SYN3: variants seen among roughly 807,000 people sequenced by gnomAD.
SYN3 encodes synapsin III, also known as synapsin-3.
A neutral mutation model predicts 65.8 loss-of-function variants in SYN3; 35 were observed. That is an observed-to-expected ratio of 0.53 (90% confidence interval 0.41 to 0.70). The LOEUF (loss-of-function observed/expected upper bound fraction) is 0.70. SYN3 is among the 30% of genes least tolerant of loss of function. The pLI, the probability that SYN3 is intolerant of heterozygous loss-of-function variation, is 0.00. For missense variants in SYN3, 680 were observed against 749.0 expected, an observed-to-expected ratio of 0.91 and a Z score of 1.08; for synonymous variants, 270 against 292.9, an observed-to-expected ratio of 0.92 and a Z score of 0.80.
chr22:32,697,102 A>T (rs985184853), intron 6 of SYN3, among the ~76,000 whole-genome samples: 1 of 152,188 alleles, frequency 6.6e-6, no homozygotes, highest in Non-Finnish European at 1.5e-5. Context: ...TGGGACTAGG[A>T]TGTGGATCGA....
At chr22:32,928,844 T>C (rs1230488167) in intron 4 of SYN3, among the ~76,000 whole-genome samples, 1 of 152,250 alleles carries the variant, frequency 6.6e-6, no homozygotes, top group East Asian at 1.9e-4. Context: ...CTCCGATCTT[T>C]TTCTCTCTGT....
rs56017296 is a variant in SYN3, at chr22:32,839,316, G to A, written c.711+25599C>T. Among the ~76,000 whole-genome samples the A allele has an allele frequency of 5.5e-3, 843 of 152,262 alleles. 5 individuals carry two copies. Among genetic ancestry groups the A allele is most frequent in the South Asian group, 0.019 (93 of 4,824 alleles). ...CCATTTGTTCCTGGGAGAATGTGGG[G>A]GACTTAGGGGAGAAGGACTGTGTTT... On this transcript the variant is annotated intron_variant, in intron 6 of 13. Transcript: ENST00000358763.
rs559166720 is a variant in SYN3, at chr22:33,042,385, C to CT, written c.-163+15906dup. On this transcript the variant is annotated intron_variant, in intron 1 of 13. Coordinates refer to ENST00000358763, the MANE Select transcript of SYN3 (RefSeq NM_003490.4). Reference sequence around the variant, plus strand: ...AAACCTTACAAAAAGAAGCAAAGCCCTTTAGTCACATGATTCTTCCTTAGT... The same window carrying CT: ...AAACCTTACAAAAAGAAGCAAAGCCCTTTTAGTCACATGATTCTTCCTTAGT... Among the ~76,000 whole-genome samples, 513 of 152,350 alleles carry CT rather than the reference C, an allele frequency of 3.4e-3. 4 individuals carry two copies. The highest frequency in any genetic ancestry group is 5.1e-3 in the Non-Finnish European group (346 of 68,038).
intron 6 of SYN3, among the ~76,000 whole-genome samples, chr22:32,624,749 C>A (rs1446731622): frequency 6.6e-6 from 1 of 152,326 alleles, no homozygotes; most frequent in South Asian, 2.1e-4. Flanking sequence ...CTGGGCCCTG[C>A]CAACAGGAAT....
chr22:32,849,075 C>G (rs2048147343), intron 6 of SYN3, among the ~76,000 whole-genome samples: 1 of 152,098 alleles, frequency 6.6e-6, no homozygotes, highest in African/African-American at 2.4e-5. Flanking sequence ...TCTGGGAGAC[C>G]ATGGCATTGT....
At chr22:32,881,254 C>G (rs1047960053) in intron 4 of SYN3, among the ~76,000 whole-genome samples, 2 of 152,092 alleles carry the variant, frequency 1.3e-5, no homozygotes, top group African/African-American at 2.4e-5. Context: ...GGGGAAAGCC[C>G]ATTTTGAGAT....
chr22:32,584,416 G>A (rs975556403), intron 7 of SYN3, among the ~76,000 whole-genome samples: 6 of 152,312 alleles, frequency 3.9e-5, no homozygotes, highest in African/African-American at 1.4e-4. Flanking sequence ...ACCCCACCGG[G>A]TGATGTGTGC....
intron 6 of SYN3, among the ~76,000 whole-genome samples, chr22:32,782,883 A>C (rs555270933): frequency 6.6e-6 from 1 of 152,360 alleles, no homozygotes; most frequent in African/African-American, 2.4e-5. Context: ...CTGAAGGATG[A>C]ACAGGAATTA....
chr22:32,946,272 G>A (rs893776363), intron 3 of SYN3, among the ~76,000 whole-genome samples: 4 of 152,142 alleles, frequency 2.6e-5, no homozygotes, highest in African/African-American at 7.2e-5. Context: ...ATTCACAATA[G>A]CAAAGACTTG....
In SYN3 at chr22:32,791,542, G is replaced by A. The variant is rs57966112; in HGVS notation, c.711+73373C>T. On this transcript the variant is annotated intron_variant, in intron 6 of 13. Transcript: ENST00000358763. ...GCATTCTGGGAAGAAAGACCCATCT[G>A]GTTTCAGGAACTGGGCATCTGACCT... Among the ~76,000 whole-genome samples, 1,065 of 151,732 alleles carry A rather than the reference G, an allele frequency of 7.0e-3. 16 individuals are homozygous for A. Among genetic ancestry groups the A allele is most frequent in the African/African-American group, 0.025 (1,035 of 41,374 alleles).
At chr22:32,699,473 C>T (rs866451261) in intron 6 of SYN3, among the ~76,000 whole-genome samples, 3 of 152,032 alleles carry the variant, frequency 2.0e-5, no homozygotes, top group Non-Finnish European at 4.4e-5. Context: ...GGAGGTGGTG[C>T]CAAAAGGGAG....
chr22:32,531,809 A>C (rs114976572), intron 10 of SYN3, among the ~76,000 whole-genome samples: 54,076 of 150,878 alleles, frequency 0.36, 10,299 homozygotes, highest in Middle Eastern at 0.45. Context: ...CTGCGAGGAA[A>C]AAAAAAATCT....
At chr22:32,700,305 T>G (rs1248653670) in intron 6 of SYN3, among the ~76,000 whole-genome samples, 5 of 152,160 alleles carry the variant, frequency 3.3e-5, no homozygotes, top group African/African-American at 9.7e-5. Flanking sequence ...GCCCAAGCCT[T>G]GGACAGCAGC....
intron 6 of SYN3, among the ~76,000 whole-genome samples, chr22:32,597,617 G>A (rs1158886669): frequency 1.3e-5 from 2 of 152,206 alleles, no homozygotes; most frequent in African/African-American, 4.8e-5. Context: ...TAGCGGCCAT[G>A]TCTGCCTCTG....
intron 7 of SYN3, among the ~76,000 whole-genome samples, chr22:32,587,389 C>T (rs969828831): frequency 1.3e-5 from 2 of 151,790 alleles, no homozygotes; most frequent in East Asian, 3.9e-4. Flanking sequence ...TTAGCTGGGT[C>T]CCAGAACTCC....
intron 6 of SYN3, among the ~76,000 whole-genome samples, chr22:32,723,605 A>T (rs2061149475): frequency 6.6e-6 from 1 of 152,206 alleles, no homozygotes; most frequent in Admixed American, 6.5e-5. Context: ...TTTTCAGGAG[A>T]TGAACTTCCA....
intron 6 of SYN3, among the ~76,000 whole-genome samples, chr22:32,714,002 G>A (rs1247756862): frequency 1.3e-5 from 2 of 152,182 alleles, no homozygotes; most frequent in African/African-American, 4.8e-5. Context: ...CTTTCCAGAT[G>A]AGCTTGAGGA....
intron 7 of SYN3, among the ~76,000 whole-genome samples, chr22:32,559,882 A>G (rs1376682883): frequency 3.9e-5 from 6 of 152,142 alleles, no homozygotes; most frequent in Non-Finnish European, 1.5e-5. Context: ...GGTGATCAGC[A>G]GCTTCCTGAT....
At chr22:33,024,775 G>C (rs1414036555) in intron 1 of SYN3, among the ~76,000 whole-genome samples, 2 of 152,204 alleles carry the variant, frequency 1.3e-5, no homozygotes, top group African/African-American at 4.8e-5. Context: ...ATAGCAATGA[G>C]AGATTTACAT....
Sources: gnomAD v4.1 joint callset for allele counts (sites outside exome capture counted in the v4.1 genomes callset) on GRCh38, gnomAD v4.1.1 for gene constraint, MANE v1.5 for transcripts, NCBI Gene and HGNC (gene_info 2026-07-23, HGNC 2026-07-21) for gene names.